VAT1L: variants seen among roughly 807,000 people sequenced by gnomAD.
VAT1L encodes putative NADPH-dependent quinone oxidoreductase VAT1L.
VAT1L carries 34 observed loss-of-function variants against 44.1 expected under a neutral mutation model. The observed-to-expected ratio is 0.77, with a 90% CI of 0.59 to 1.03. VAT1L has a LOEUF of 1.03. VAT1L is among the 50% of genes least tolerant of loss of function. The pLI is 0.00. For synonymous variants in VAT1L, 253 were observed against 202.2 expected (o/e 1.25, Z -2.13); for missense variants, 615 against 538.8 (o/e 1.14, Z -1.40).
rs373286386 is a variant in VAT1L at position 77,812,793 on chromosome 16, A to G, written c.234-4128A>G. Among the ~76,000 whole-genome samples, 135 of 152,272 alleles carry G rather than the reference A, an allele frequency of 8.9e-4. 3 individuals are homozygous for G. The South Asian group carries it at 0.024, about 27-fold the overall frequency. On this transcript the variant is annotated intron_variant, in intron 1 of 8. Transcript: ENST00000302536. ...TTCAGGGTCTCTTTTTCAAACCTCT[A>G]TCTTCATTCCTTCAGGATGCCATGT...
chr16:77,851,657 AAATAAT>A (rs954006209), intron 3 of VAT1L, among the ~76,000 whole-genome samples: 2 of 152,140 alleles, frequency 1.3e-5, no homozygotes, highest in African/African-American at 2.4e-5. Flanking sequence ...TGTATTAAAA[AAATAAT>A]AATAAGAGAG....
chr16:77,855,741 T>A (rs9927162), intron 3 of VAT1L, among the ~76,000 whole-genome samples: 80,585 of 152,100 alleles, frequency 0.53, 21,770 homozygotes, highest in East Asian at 0.77. Flanking sequence ...ATGCTCATTA[T>A]ATAGCACTGT....
chr16:77,865,475 G>A (rs1371121725), intron 4 of VAT1L, among the ~76,000 whole-genome samples: 2 of 152,202 alleles, frequency 1.3e-5, no homozygotes, highest in Non-Finnish European at 2.9e-5. Context: ...ATCCAGCAAT[G>A]CCATCTTGAG....
chr16:77,890,410 AG>A, intron 7 of VAT1L, among the ~76,000 whole-genome samples: 1 of 152,172 alleles, frequency 6.6e-6, no homozygotes, highest in South Asian at 2.1e-4. Context: ...CATCCTGGGT[AG>A]GGGGATTGCT....
At chr16:77,872,615 G>C (rs533872080) in intron 4 of VAT1L, among the ~76,000 whole-genome samples, 1 of 152,122 alleles carries the variant, frequency 6.6e-6, no homozygotes, top group Non-Finnish European at 1.5e-5. Context: ...AGCCACAGTG[G>C]CTGCTTCCCA....
At chr16:77,795,109 C>A (rs1053318949) in intron 1 of VAT1L, among the ~76,000 whole-genome samples, 7 of 152,152 alleles carry the variant, frequency 4.6e-5, no homozygotes, top group African/African-American at 1.7e-4. Flanking sequence ...ATACTTTGAT[C>A]TATCAGTAGA....
intron 3 of VAT1L, among the ~76,000 whole-genome samples, chr16:77,840,991 A>G (rs1225117860): frequency 6.6e-6 from 1 of 152,238 alleles, no homozygotes; most frequent in Admixed American, 6.5e-5. Flanking sequence ...CTTAAGGGTT[A>G]TGGTAACTTT....
In VAT1L at chr16:77,886,285, A is replaced by G. The variant is rs1469471; in HGVS notation, c.1077+1483A>G. 3.9e-3 allele frequency among the ~76,000 whole-genome samples: 590 copies of G among 152,270 alleles called. 7 individuals carry two copies. The highest frequency in any genetic ancestry group is 0.021 in the East Asian group (110 of 5,180). ...AGACACCCATATGGTATTCACTATC[A>G]TATCTCATTGGAACAGGGAAAGGGC... On this transcript the variant is annotated intron_variant, in intron 7 of 8. Coordinates refer to ENST00000302536, the MANE Select transcript of VAT1L (RefSeq NM_020927.3).
chr16:77,971,996 T>C, intron 8 of VAT1L, 63 bp downstream of exon 8: 1 of 1,507,814 alleles, frequency 6.6e-7, no homozygotes, highest in Non-Finnish European at 9.1e-7. Flanking sequence ...GTCAATCAGA[T>C]GCAGACACGG....
At chr16:77,962,490 C>G (rs1466185645) in intron 7 of VAT1L, among the ~76,000 whole-genome samples, 1 of 152,100 alleles carries the variant, frequency 6.6e-6, no homozygotes, top group East Asian at 1.9e-4. Flanking sequence ...AGTAGAATCT[C>G]TCCTCTGGAC....
At chr16:77,823,378 T>A (rs1240050458) in intron 2 of VAT1L, among the ~76,000 whole-genome samples, 1 of 152,136 alleles carries the variant, frequency 6.6e-6, no homozygotes. Flanking sequence ...GCACTTGTCA[T>A]ATGAAAATAT....
At chr16:77,908,238 CAAAA>C in intron 7 of VAT1L, among the ~76,000 whole-genome samples, 1 of 91,756 alleles carries the variant, frequency 1.1e-5, no homozygotes. Context: ...GACTCTGTCT[CAAAA>C]AAAAAAAAAA....
intron 8 of VAT1L, 45 bp from the exon 9 acceptor site, chr16:77,977,552 G>A (rs527272211): frequency 6.3e-7 from 1 of 1,593,660 alleles, no homozygotes; most frequent in African/African-American, 1.3e-5. Flanking sequence ...GAGATGACGA[G>A]GCTGGGTTGC....
At chr16:77,931,470 A>G (rs1034634981) in intron 7 of VAT1L, among the ~76,000 whole-genome samples, 1 of 152,224 alleles carries the variant, frequency 6.6e-6, no homozygotes, top group African/African-American at 2.4e-5. Context: ...GAGATGTTAA[A>G]AATAGCTCAG....
At chr16:77,826,495 A>G (rs1380332034) in intron 3 of VAT1L, among the ~76,000 whole-genome samples, 1 of 152,192 alleles carries the variant, frequency 6.6e-6, no homozygotes, top group Non-Finnish European at 1.5e-5. Flanking sequence ...AAGTACATTC[A>G]TGAAAGTGGT....
At chr16:77,885,707 T>C (rs546842285) in intron 7 of VAT1L, among the ~76,000 whole-genome samples, 1 of 152,294 alleles carries the variant, frequency 6.6e-6, no homozygotes, top group African/African-American at 2.4e-5. Context: ...GTTGTACTTT[T>C]GCAAGTCACA....
intron 3 of VAT1L, among the ~76,000 whole-genome samples, chr16:77,842,549 T>C (rs1199385120): frequency 6.6e-6 from 1 of 152,182 alleles, no homozygotes; most frequent in Non-Finnish European, 1.5e-5. Flanking sequence ...AGGAGTTTTC[T>C]AGGTAGCCAA....
At chr16:77,855,186 A>T (rs1239982812) in intron 3 of VAT1L, among the ~76,000 whole-genome samples, 1 of 152,090 alleles carries the variant, frequency 6.6e-6, no homozygotes, top group Non-Finnish European at 1.5e-5. Flanking sequence ...CTAAAAATAC[A>T]AAAATTAGCT....
intron 1 of VAT1L, among the ~76,000 whole-genome samples, chr16:77,808,323 C>T (rs929936223): frequency 1.3e-5 from 2 of 152,050 alleles, no homozygotes; most frequent in African/African-American, 2.4e-5. Flanking sequence ...ATGGGACCGT[C>T]GAGTTGTAGG....
Sources: gnomAD v4.1 joint callset for allele counts (sites outside exome capture counted in the v4.1 genomes callset) on GRCh38, gnomAD v4.1.1 for gene constraint, MANE v1.5 for transcripts, NCBI Gene and HGNC (gene_info 2026-07-23, HGNC 2026-07-21) for gene names.